The following AOAH variants were observed in gnomAD, a reference collection of about 807,000 sequenced individuals.
AOAH encodes acyloxyacyl hydrolase (neutrophil).
A neutral mutation model predicts 92.2 loss-of-function variants in AOAH; 64 were observed. The observed-to-expected ratio is 0.69, with a 90% CI of 0.57 to 0.86. AOAH has a LOEUF of 0.86. Among genes scored for constraint, AOAH ranks in the 40% least tolerant of loss-of-function variants. The pLI, the probability that AOAH is intolerant of heterozygous loss-of-function variation, is 0.00. For synonymous variants in AOAH, 263 were observed against 254.5 expected (o/e 1.03, Z -0.32); for missense variants, 656 against 694.6 (o/e 0.94, Z 0.62).
At chr7:36,589,013 C>A (rs113444142) in intron 12 of AOAH, among the ~76,000 whole-genome samples, 4 of 151,826 alleles carry the variant, frequency 2.6e-5, no homozygotes, top group African/African-American at 7.3e-5. Context: ...GTTCTTTTGG[C>A]CTTCATTGCT....
At chr7:36,581,040 C>A (rs887533970) in intron 12 of AOAH, among the ~76,000 whole-genome samples, 3 of 152,084 alleles carry the variant, frequency 2.0e-5, no homozygotes, top group Non-Finnish European at 4.4e-5. Flanking sequence ...AGTCTTATTC[C>A]AGAGTATGGG....
Position 36,517,218 on chromosome 7 carries a change from T to TTTCTTTC in AOAH, c.1600-3839_1600-3838insGAAAGAA, listed in dbSNP as rs1562853983. ...TCTTTCTTTCTTTCTTTCTTTCTCT[T>TTTCTTTC]TCTTTCTGTCTCTCTCTCTCTCTCT... On this transcript the variant is annotated intron_variant, in intron 20 of 20. Transcript: ENST00000617537. Among the ~76,000 whole-genome samples, 92 of 62,160 alleles carry TTTCTTTC rather than the reference T, an allele frequency of 1.5e-3. 2 individuals are homozygous for TTTCTTTC. The highest frequency in any genetic ancestry group is 3.8e-3 in the African/African-American group (84 of 22,016). 40.8% of individuals were successfully genotyped at this position (62,160 alleles called of 152,430 possible). A position where few individuals can be genotyped will look rare whatever the true frequency, so the allele number is the denominator to read the frequency against.
chr7:36,569,415 T>C (rs1290573237), intron 13 of AOAH, among the ~76,000 whole-genome samples: 3 of 152,132 alleles, frequency 2.0e-5, no homozygotes, highest in Non-Finnish European at 4.4e-5. Context: ...CAAAAGCAGA[T>C]GAGTCTTGTT....
chr7:36,605,557 C>A (rs923776749), intron 11 of AOAH, among the ~76,000 whole-genome samples: 2 of 152,188 alleles, frequency 1.3e-5, no homozygotes, highest in African/African-American at 4.8e-5. Context: ...TCTGGCAGAG[C>A]AGGTATGTGG....
chr7:36,557,198 A>C (rs1396226580), intron 13 of AOAH, among the ~76,000 whole-genome samples: 1 of 152,184 alleles, frequency 6.6e-6, no homozygotes, highest in African/African-American at 2.4e-5. Flanking sequence ...AAAATCTCTC[A>C]GCATTTGCTT....
chr7:36,674,992 C>T (rs1424528468), intron 2 of AOAH, among the ~76,000 whole-genome samples: 1 of 152,254 alleles, frequency 6.6e-6, no homozygotes, highest in African/African-American at 2.4e-5. Flanking sequence ...CAGCGGCTCA[C>T]GCCTGTAATC....
At position 36,513,324 on chromosome 7, in the gene AOAH, G is replaced by C; in HGVS notation, c.1656C>G (p.Pro552=). The C allele has an allele frequency of 3.1e-6, 5 of 1,614,124 alleles. No individual in the cohort carries two copies. Among genetic ancestry groups the C allele is most frequent in the Non-Finnish European group, 4.2e-6 (5 of 1,180,018 alleles). Residue 552 remains proline, a synonymous_variant, in exon 21 of 21, where the codon CCC becomes CCG. Transcript: ENST00000617537. ...ACGGATTCTCCTTTCCCAGGATTTG[G>C]GGCCACTGGAGCTGCACCTTTTTCC... is the stretch of plus-strand genomic sequence containing the variant. The part of the protein sequence containing the change: ...HFWKKVQLQW[P]QILGKENPFN...
At chr7:36,570,697 T>A (rs776221736) in intron 13 of AOAH, among the ~76,000 whole-genome samples, 4 of 152,222 alleles carry the variant, frequency 2.6e-5, no homozygotes, top group Non-Finnish European at 5.9e-5. Context: ...CTAACTGGTG[T>A]GAGGTGATAT....
intron 11 of AOAH, among the ~76,000 whole-genome samples, chr7:36,606,107 A>C (rs1048187491): frequency 2.0e-5 from 3 of 152,256 alleles, no homozygotes; most frequent in African/African-American, 7.2e-5. Flanking sequence ...TGGAGTCGAC[A>C]TGAAGGTAAC....
At chr7:36,679,663 A>AATT (rs1488418294) in intron 2 of AOAH, among the ~76,000 whole-genome samples, 28 of 149,422 alleles carry the variant, frequency 1.9e-4, no homozygotes, top group Non-Finnish European at 3.8e-4. Context: ...GGGACCACAT[A>AATT]ATTATTTTTT....
intron 11 of AOAH, among the ~76,000 whole-genome samples, chr7:36,612,848 GTTC>G (rs1791563099): frequency 6.6e-6 from 1 of 152,060 alleles, no homozygotes; most frequent in Admixed American, 6.6e-5. Context: ...TACTGGTTAT[GTTC>G]TTCATCATTA....
chr7:36,518,980 T>A (rs1390395031), intron 20 of AOAH, among the ~76,000 whole-genome samples: 2 of 152,224 alleles, frequency 1.3e-5, no homozygotes, highest in Admixed American at 6.5e-5. Flanking sequence ...TGCCTTGCTG[T>A]CCTGTAACTC....
At chr7:36,713,072 G>C (rs898156400) in intron 1 of AOAH, among the ~76,000 whole-genome samples, 1 of 152,194 alleles carries the variant, frequency 6.6e-6, no homozygotes, top group Non-Finnish European at 1.5e-5. Flanking sequence ...TCAGTGTGCT[G>C]TATTCAGGAA....
At chr7:36,633,723 A>C (rs1181742461) in intron 5 of AOAH, among the ~76,000 whole-genome samples, 1 of 152,158 alleles carries the variant, frequency 6.6e-6, no homozygotes, top group Admixed American at 6.5e-5. Flanking sequence ...CAGAGGAATC[A>C]CATTTGCGTT....
At chr7:36,556,375 C>A (rs6973666) in intron 13 of AOAH, among the ~76,000 whole-genome samples, 83,403 of 151,554 alleles carry the variant, frequency 0.55, 23,136 homozygotes, top group Middle Eastern at 0.61. Context: ...CTGTTCTTTT[C>A]CATTTGCTGA....
chr7:36,560,009 T>C (rs977423143), intron 13 of AOAH, among the ~76,000 whole-genome samples: 6 of 152,220 alleles, frequency 3.9e-5, no homozygotes, highest in Non-Finnish European at 7.3e-5. Flanking sequence ...CTATTGCCAA[T>C]TTTTGTTGAC....
At chr7:36,553,817 T>G (rs1408077224) in intron 13 of AOAH, among the ~76,000 whole-genome samples, 1 of 152,232 alleles carries the variant, frequency 6.6e-6, no homozygotes, top group African/African-American at 2.4e-5. Flanking sequence ...CTTTGCCCAC[T>G]TTTTCATGGG....
At chr7:36,659,592 G>GT (rs1307187600) in intron 3 of AOAH, among the ~76,000 whole-genome samples, 2 of 152,136 alleles carry the variant, frequency 1.3e-5, no homozygotes, top group Non-Finnish European at 2.9e-5. Context: ...GGGCAGGGAC[G>GT]TAACTTGATG....
intron 5 of AOAH, among the ~76,000 whole-genome samples, chr7:36,633,004 C>T (rs999160380): frequency 2.0e-5 from 3 of 152,226 alleles, no homozygotes; most frequent in Middle Eastern, 3.2e-3. Context: ...CTCAGCTCTC[C>T]GTGGAGTGGA....
Sources: gnomAD v4.1 joint callset for allele counts (sites outside exome capture counted in the v4.1 genomes callset) on GRCh38, gnomAD v4.1.1 for gene constraint, MANE v1.5 for transcripts, NCBI Gene and HGNC (gene_info 2026-07-23, HGNC 2026-07-21) for gene names.